ZC3H12B: variants seen among roughly 807,000 people sequenced by gnomAD.
ZC3H12B encodes the protein zinc finger CCCH-type containing 12B.
ZC3H12B carries 7 observed loss-of-function variants against 43.9 expected under a neutral mutation model. That is an observed-to-expected ratio of 0.16 (90% CI 0.09 to 0.30). The LOEUF (loss-of-function observed/expected upper bound fraction) is 0.30, where lower values mean the gene tolerates loss of function less well. Ranked by LOEUF, ZC3H12B falls within the 10% of genes least tolerant of loss-of-function variation. The pLI, the probability that ZC3H12B is intolerant of heterozygous loss-of-function variation, is 1.00. For missense variants in ZC3H12B, 475 were observed against 670.2 expected (o/e 0.71, Z 3.22); for synonymous variants, 222 against 241.7 (o/e 0.92, Z 0.76).
chrX:65,429,784 C>T (rs987767450), intron 3 of ZC3H12B, among the ~76,000 whole-genome samples: 1 of 112,212 alleles, frequency 8.9e-6, no homozygotes, highest in Non-Finnish European at 1.9e-5. Context: ...TGGATCAGGT[C>T]CTGCTTAAAG....
intron 3 of ZC3H12B, among the ~76,000 whole-genome samples, chrX:65,451,837 A>C (rs1448228810): frequency 8.9e-6 from 1 of 111,865 alleles, no homozygotes; most frequent in Non-Finnish European, 1.9e-5. Context: ...TTTCTTTTTC[A>C]GGAGCTTATA....
exon 5 of ZC3H12B, chrX:65,505,235 C>A (rs2068413873): frequency 8.9e-6 from 1 of 112,120 alleles, no homozygotes. Flanking sequence ...GAAGGCCGGG[C>A]CTTGGCCTTT....
chrX:65,158,576 A>C, the ZC3H12B span, among the ~76,000 whole-genome samples: 1 of 111,932 alleles, frequency 8.9e-6, no homozygotes, highest in Non-Finnish European at 1.9e-5. Context: ...TCTTCTTTTG[A>C]GAAGTGTCTG....
chrX:65,369,751 C>T lies in ZC3H12B; in HGVS notation n.295+753C>T, dbSNP rs182699768. ...ATATTATTAATACATAAGTGAGAAC[C>T]AAAATTTCCAGAATAAGTGTATCCT... is the stretch of plus-strand genomic sequence containing the variant. On this transcript the variant is annotated intron_variant and non_coding_transcript_variant, in intron 2 of 5. Coordinates refer to the ZC3H12B transcript ENST00000617377. 1.6e-4 allele frequency among the ~76,000 whole-genome samples: 18 copies of T among 111,340 alleles called. No individual in the cohort carries two copies. The Admixed American group carries it at 1.7e-3, about 11-fold the overall frequency.
At chrX:65,440,689 G>A (rs1271057177) in intron 3 of ZC3H12B, among the ~76,000 whole-genome samples, 1 of 112,157 alleles carries the variant, frequency 8.9e-6, no homozygotes, top group African/African-American at 3.2e-5. Flanking sequence ...CCAATTTTTT[G>A]GAATTATAGC....
At chrX:65,156,819 T>A in the ZC3H12B span, among the ~76,000 whole-genome samples, 1 of 111,316 alleles carries the variant, frequency 9.0e-6, no homozygotes, top group East Asian at 2.8e-4. Context: ...CCAAGCCATG[T>A]TTTGTTGTCG....
At chrX:65,453,975 C>T (rs531965519) in intron 3 of ZC3H12B, among the ~76,000 whole-genome samples, 2 of 111,636 alleles carry the variant, frequency 1.8e-5, no homozygotes, top group African/African-American at 3.3e-5. Context: ...GTACACTGCT[C>T]GGGTGATGAG....
the ZC3H12B span, chrX:65,328,235 T>C: frequency 4.0e-6 from 1 of 252,736 alleles, no homozygotes; most frequent in South Asian, 5.3e-5. Flanking sequence ...AATTTCAGCA[T>C]ACTATGCTCT....
the ZC3H12B span, among the ~76,000 whole-genome samples, chrX:65,212,207 T>C: frequency 6.3e-5 from 3 of 47,602 alleles, no homozygotes; most frequent in South Asian, 3.1e-3. Flanking sequence ...ATAATTATTA[T>C]ATAATATATT....
chrX:65,420,521 T>C (rs1166938303), intron 3 of ZC3H12B, among the ~76,000 whole-genome samples: 1 of 111,747 alleles, frequency 8.9e-6, no homozygotes, highest in East Asian at 2.8e-4. Flanking sequence ...CTTCTTCAAA[T>C]GCACAAGTAC....
the ZC3H12B span, among the ~76,000 whole-genome samples, chrX:65,146,938 G>A: frequency 9.0e-6 from 1 of 111,631 alleles, no homozygotes; most frequent in East Asian, 2.8e-4. Context: ...ATTTATTCTT[G>A]CAGCTGTTCT....
At chrX:65,105,522 C>T in the ZC3H12B span, among the ~76,000 whole-genome samples, 2 of 111,512 alleles carry the variant, frequency 1.8e-5, no homozygotes, top group Non-Finnish European at 3.8e-5. Context: ...GACCATCTTT[C>T]CCATGGCCCA....
the ZC3H12B span, among the ~76,000 whole-genome samples, chrX:65,333,279 G>T: frequency 8.9e-6 from 1 of 111,963 alleles, no homozygotes; most frequent in African/African-American, 3.2e-5. Flanking sequence ...TCAAAGCTTG[G>T]TAAAATAACC....
At chrX:65,330,194 G>A in the ZC3H12B span, among the ~76,000 whole-genome samples, 3 of 111,039 alleles carry the variant, frequency 2.7e-5, no homozygotes, top group African/African-American at 9.8e-5. Flanking sequence ...CTCATGATTT[G>A]GCTTTCTGTT....
intron 3 of ZC3H12B, among the ~76,000 whole-genome samples, chrX:65,411,807 G>A (rs1286437394): frequency 1.8e-5 from 2 of 109,476 alleles, no homozygotes; most frequent in Admixed American, 9.8e-5. Flanking sequence ...TGCTTGAGTG[G>A]ATGGACGCCA....
the ZC3H12B span, among the ~76,000 whole-genome samples, chrX:65,304,840 T>G: frequency 9.0e-6 from 1 of 111,456 alleles, no homozygotes; most frequent in East Asian, 2.8e-4. Context: ...TTGGACTTCA[T>G]CAAAATTAAT....
At chrX:65,229,075 AG>A in the ZC3H12B span, among the ~76,000 whole-genome samples, 1 of 110,548 alleles carries the variant, frequency 9.0e-6, no homozygotes, top group Non-Finnish European at 1.9e-5. Context: ...CACATCGCCA[AG>A]TCAATCCTAA....
chrX:65,453,579 G>A (rs998011172), intron 3 of ZC3H12B, among the ~76,000 whole-genome samples: 6 of 105,036 alleles, frequency 5.7e-5, no homozygotes, highest in Admixed American at 2.1e-4. Context: ...AAAATCATCT[G>A]GGTGTGGTGG....
At chrX:65,169,635 G>T in the ZC3H12B span, among the ~76,000 whole-genome samples, 1 of 111,658 alleles carries the variant, frequency 9.0e-6, no homozygotes, top group East Asian at 2.8e-4. Context: ...ACAGTGGGGT[G>T]TTAAAGTCTC....
Sources: gnomAD v4.1 joint callset for allele counts (sites outside exome capture counted in the v4.1 genomes callset) on GRCh38, gnomAD v4.1.1 for gene constraint, MANE v1.5 for transcripts, NCBI Gene and HGNC (gene_info 2026-07-23, HGNC 2026-07-21) for gene names.